Variants in ATG3 observed in about 807,000 individuals in gnomAD.
The protein encoded by ATG3 is ubiquitin-like-conjugating enzyme ATG3.
A neutral mutation model predicts 50.7 loss-of-function variants in ATG3; 25 were observed. The ratio of observed to expected loss-of-function variants is 0.49; its 90% CI spans 0.36 to 0.69. The LOEUF is 0.69. Among genes scored for constraint, ATG3 ranks in the 30% least tolerant of loss-of-function variants. The pLI, the probability that ATG3 is intolerant of heterozygous loss-of-function variation, is 0.00. For synonymous variants in ATG3, 119 were observed against 125.5 expected (o/e 0.95, Z 0.34); for missense variants, 281 against 376.0 (o/e 0.75, Z 2.09).
At chr3:112,554,256 C>T (rs558197037) in intron 2 of ATG3, among the ~76,000 whole-genome samples, 1 of 152,314 alleles carries the variant, frequency 6.6e-6, no homozygotes, top group East Asian at 1.9e-4. Context: ...TGCACGTATA[C>T]ATCTAGATGT....
intron 3 of ATG3, among the ~76,000 whole-genome samples, chr3:112,551,718 T>C (rs1473979051): frequency 6.6e-6 from 1 of 152,144 alleles, no homozygotes; most frequent in Non-Finnish European, 1.5e-5. Flanking sequence ...ACAAAATGAA[T>C]ACTACTGTAA....
intron 2 of ATG3, among the ~76,000 whole-genome samples, chr3:112,557,318 C>T (rs1025139793): frequency 2.6e-5 from 4 of 152,238 alleles, no homozygotes; most frequent in East Asian, 3.9e-4. Flanking sequence ...TGAGCCACCA[C>T]GCCCAGCACA....
intron 9 of ATG3, 181 bp downstream of exon 9, chr3:112,537,554 A>G (rs1455417522): frequency 6.4e-6 from 3 of 469,676 alleles, no homozygotes; most frequent in Non-Finnish European, 3.6e-6. Flanking sequence ...GTTACACTGA[A>G]TAATTCATAG....
rs939578171 is a variant in ATG3, at chr3:112,547,969, C to A, written c.343+564G>T. Among the ~76,000 whole-genome samples the A allele has an allele frequency of 5.3e-4, 80 of 152,320 alleles. 2 individuals are homozygous for A. Among genetic ancestry groups the A allele is most frequent in the Admixed American group, 2.1e-3 (32 of 15,298 alleles). ...GCAAAGTAGTATGCATATTCAGCAT[C>A]TCTGACGGTCTTTTTTTTCCCTCTC... On this transcript the variant is annotated intron_variant, in intron 5 of 11. Transcript: ENST00000283290.
chr3:112,532,599 G>C lies in ATG3; in HGVS notation c.*100C>G, dbSNP rs1268352663. On this transcript the variant is annotated 3_prime_UTR_variant, in exon 12 of 12. Coordinates refer to ENST00000283290, the MANE Select transcript of ATG3 (RefSeq NM_022488.5). ...ATAAACATATAAGTCCCTTATTAGA[G>C]AAACTGTATATATTGATGAATATGG... 10 of 817,076 alleles carry C rather than the reference G, an allele frequency of 1.2e-5. No homozygotes were observed. The highest frequency in any genetic ancestry group is 1.2e-5 in the Non-Finnish European group (7 of 574,938). 50.6% of individuals were successfully genotyped at this position (817,076 alleles called of 1,614,324 possible). A position where few individuals can be genotyped will look rare whatever the true frequency, so the allele number is the denominator to read the frequency against.
intron 11 of ATG3, chr3:112,533,290 C>A: frequency 4.1e-6 from 4 of 984,568 alleles, no homozygotes; most frequent in Non-Finnish European, 4.8e-6. Context: ...TTTTTATGTT[C>A]ATTGCACTTA....
At chr3:112,555,018 T>C (rs1286505074) in intron 2 of ATG3, among the ~76,000 whole-genome samples, 1 of 152,204 alleles carries the variant, frequency 6.6e-6, no homozygotes, top group Non-Finnish European at 1.5e-5. Flanking sequence ...TTTAGCTCTG[T>C]GGTTATCAGG....
intron 10 of ATG3, 123 bp from the exon 11 acceptor site, chr3:112,534,460 T>C (rs1045692318): frequency 2.0e-5 from 11 of 555,010 alleles, no homozygotes; most frequent in Non-Finnish European, 3.1e-5. Flanking sequence ...TTAATAGTTA[T>C]ATTATAAACT....
intron 2 of ATG3, among the ~76,000 whole-genome samples, chr3:112,554,447 C>T (rs905848606): frequency 6.6e-6 from 1 of 152,202 alleles, no homozygotes; most frequent in Non-Finnish European, 1.5e-5. Flanking sequence ...CCATCCACCC[C>T]CTGCCCACAA....
At chr3:112,557,457 A>G (rs922631636) in intron 2 of ATG3, among the ~76,000 whole-genome samples, 3 of 152,198 alleles carry the variant, frequency 2.0e-5, no homozygotes, top group Admixed American at 1.3e-4. Context: ...ATCTCTACTA[A>G]AAGTACAAAA....
At chr3:112,545,613 A>G (rs529233035) in intron 5 of ATG3, among the ~76,000 whole-genome samples, 6 of 152,270 alleles carry the variant, frequency 3.9e-5, no homozygotes, top group Admixed American at 6.5e-5. Context: ...ATTTCATAAC[A>G]GTAAAACCCA....
chr3:112,536,652 T>C, intron 9 of ATG3, 50 bp from the exon 10 acceptor site: 1 of 1,600,764 alleles, frequency 6.2e-7, no homozygotes, highest in Non-Finnish European at 8.5e-7. Context: ...CCGGGTGCAG[T>C]GGCTCACGCC....
At chr3:112,551,715 GA>G (rs1933534053) in intron 3 of ATG3, among the ~76,000 whole-genome samples, 1 of 151,958 alleles carries the variant, frequency 6.6e-6, no homozygotes, top group African/African-American at 2.4e-5. Flanking sequence ...TTCACAAAAT[GA>G]ATACTACTGT....
At chr3:112,560,445 A>T (rs544211320) in intron 1 of ATG3, among the ~76,000 whole-genome samples, 132 of 152,340 alleles carry the variant, frequency 8.7e-4, no homozygotes, top group Non-Finnish European at 1.4e-3. Context: ...AACGTATTTT[A>T]AAAAGTATAG....
At chr3:112,558,558 A>C in intron 1 of ATG3, 141 bp from the exon 2 acceptor site, 1 of 642,594 alleles carries the variant, frequency 1.6e-6, no homozygotes, top group Non-Finnish European at 2.8e-6. Context: ...TCTAATCTAT[A>C]ATCTATCTAA....
rs368676299 is a variant in ATG3, at chr3:112,548,644, T to C, written c.236-4A>G. The C allele has an allele frequency of 5.0e-6, 8 of 1,591,514 alleles. No individual in the cohort carries two copies. The highest frequency in any genetic ancestry group is 6.0e-6 in the Non-Finnish European group (7 of 1,161,926). On this transcript the variant is annotated splice_polypyrimidine_tract_variant and splice_region_variant and intron_variant, in intron 4 of 11. Transcript: ENST00000283290. ...TTGCACCGCTTATAGCACGGCACTATAAAAAAAATGGTAAATACAGTTAAC... is the reference window on the plus strand; with the variant it reads ...TTGCACCGCTTATAGCACGGCACTACAAAAAAAATGGTAAATACAGTTAAC...
At chr3:112,536,426 G>T (rs1933050663) in intron 10 of ATG3, 49 bp downstream of exon 10, 1 of 1,593,172 alleles carries the variant, frequency 6.3e-7, no homozygotes, top group Non-Finnish European at 8.6e-7. Context: ...ATAAATCCAT[G>T]AAATATACAA....
At chr3:112,547,434 A>C (rs954730279) in intron 5 of ATG3, among the ~76,000 whole-genome samples, 5 of 152,196 alleles carry the variant, frequency 3.3e-5, no homozygotes, top group African/African-American at 1.2e-4. Context: ...ACTACTACTA[A>C]GGATATAACT....
At chr3:112,543,008 A>G (rs1933271484) in intron 6 of ATG3, among the ~76,000 whole-genome samples, 1 of 152,106 alleles carries the variant, frequency 6.6e-6, no homozygotes, top group Admixed American at 6.5e-5. Context: ...TTCTCAGGCC[A>G]AAGAACTAAA....
Sources: allele counts gnomAD v4.1 joint callset (sites outside exome capture counted in the v4.1 genomes callset), GRCh38; gene constraint gnomAD v4.1.1; transcripts MANE v1.5; gene names NCBI Gene and HGNC (gene_info 2026-07-23, HGNC 2026-07-21).